USO1: variants seen among roughly 807,000 people sequenced by gnomAD.
USO1 encodes USO1 vesicle transport factor, also known as general vesicular transport factor p115.
A neutral mutation model predicts 124.5 loss-of-function variants in USO1; 57 were observed. The observed-to-expected ratio is 0.46, with a 90% CI of 0.37 to 0.57. The LOEUF (loss-of-function observed/expected upper bound fraction) is 0.57, where lower values mean the gene tolerates loss of function less well. Among genes scored for constraint, USO1 ranks in the 20% least tolerant of loss-of-function variants. The pLI is 0.00. For missense variants in USO1, 900 were observed against 1,040.6 expected (o/e 0.86, Z 1.86); for synonymous variants, 369 against 362.8 (o/e 1.02, Z -0.19).
intron 8 of USO1, among the ~76,000 whole-genome samples, chr4:75,781,840 T>C (rs1000115849): frequency 6.6e-6 from 1 of 152,216 alleles, no homozygotes; most frequent in African/African-American, 2.4e-5. Flanking sequence ...ATGAGCTTAC[T>C]TGTCGTTACG....
intron 20 of USO1, among the ~76,000 whole-genome samples, chr4:75,808,231 A>T (rs1442771578): frequency 6.6e-6 from 1 of 152,152 alleles, no homozygotes; most frequent in African/African-American, 2.4e-5. Context: ...ACATTAATAA[A>T]AACTTTCAAT....
At position 75,744,421 on chromosome 4, in the gene USO1, A is replaced by G. The variant is rs146376994; in HGVS notation, c.67-7952A>G. Reference sequence around the variant, plus strand: ...TTATTCACTGCTGTTTTTTGATTCTATAATAATTATTATTTTGAGACGGAG... The same window carrying G: ...TTATTCACTGCTGTTTTTTGATTCTGTAATAATTATTATTTTGAGACGGAG... On this transcript the variant is annotated intron_variant, in intron 1 of 23. Transcript: ENST00000514213. 4.2e-3 allele frequency among the ~76,000 whole-genome samples: 640 copies of G among 152,154 alleles called. 4 individuals carry two copies. The highest frequency in any genetic ancestry group is 0.015 in the African/African-American group (609 of 41,512).
chr4:75,803,045 C>A (rs1217063290), intron 17 of USO1, among the ~76,000 whole-genome samples: 2 of 143,548 alleles, frequency 1.4e-5, no homozygotes, highest in Non-Finnish European at 3.0e-5. Flanking sequence ...CGAGATCGCA[C>A]CATTGCACTC....
intron 22 of USO1, among the ~76,000 whole-genome samples, chr4:75,811,816 C>T (rs1337774366): frequency 6.6e-6 from 1 of 152,084 alleles, no homozygotes; most frequent in Non-Finnish European, 1.5e-5. Flanking sequence ...AATTCTGGTA[C>T]TAATCAGACT....
intron 1 of USO1, among the ~76,000 whole-genome samples, chr4:75,739,094 C>T (rs1366253131): frequency 2.6e-5 from 4 of 151,984 alleles, no homozygotes; most frequent in African/African-American, 4.8e-5. Context: ...CCTCGTGATC[C>T]GCCCGCCTCG....
At chr4:75,807,695 C>G (rs1723036026) in intron 20 of USO1, among the ~76,000 whole-genome samples, 1 of 152,048 alleles carries the variant, frequency 6.6e-6, no homozygotes, top group Non-Finnish European at 1.5e-5. Context: ...TGTACCTATA[C>G]TAGAACTGTA....
At chr4:75,729,587 C>T (rs904787900) in intron 1 of USO1, among the ~76,000 whole-genome samples, 8 of 151,858 alleles carry the variant, frequency 5.3e-5, no homozygotes, top group Admixed American at 1.3e-4. Flanking sequence ...GCAGTCTGCC[C>T]GCCTCGGCCT....
chr4:75,734,718 CTTTTTTTTTTT>C lies in USO1; in HGVS notation c.66+9851_66+9861del, dbSNP rs55928639. On this transcript the variant is annotated intron_variant, in intron 1 of 23. Transcript: ENST00000514213. ...CTGTAGATTGCTTTGGGCAGTATGGCTTTTTTTTTTTTTTTTTTTTTTTTTTTTGAATTAGA... is the reference window on the plus strand; with the variant it reads ...CTGTAGATTGCTTTGGGCAGTATGGCTTTTTTTTTTTTTTTTTGAATTAGA... Among the ~76,000 whole-genome samples, 97 of 47,466 alleles carry C rather than the reference CTTTTTTTTTTT, an allele frequency of 2.0e-3. 6 individuals are homozygous for C. In the East Asian group the frequency reaches 0.046, roughly 23 times the overall value. 31.1% of individuals were successfully genotyped at this position (47,466 alleles called of 152,430 possible).
Position 75,793,836 on chromosome 4 carries a change from C to G in USO1, c.1387C>G (p.Leu463Val). ...GAAAGAACAGTTGCTCAGGGTTCAA[C>G]TTGCTACAAGTATTGGCAACCCTCC... is the stretch of plus-strand genomic sequence containing the variant. ...TQKEQLLRVQ[L>V]ATSIGNPPVS... The change falls in exon 13 of 24, where the codon CTT becomes GTT. Residue 463 changes from leucine (L) to valine (V), a missense_variant. Around this residue, in one of 2 missense-constraint regions of USO1, gnomAD observed 538 missense variants for 681.6 expected, o/e 0.79. Coordinates refer to ENST00000514213, the MANE Select transcript of USO1 (RefSeq NM_003715.4). 6.2e-7 allele frequency: 1 copy of G among 1,614,026 alleles called. No individual in the cohort carries two copies. Among genetic ancestry groups the G allele is most frequent in the Non-Finnish European group, 8.5e-7 (1 of 1,179,884 alleles).
intron 7 of USO1, among the ~76,000 whole-genome samples, chr4:75,773,089 ACT>A (rs1446443355): frequency 7.9e-5 from 12 of 151,842 alleles, no homozygotes; most frequent in Non-Finnish European, 1.5e-4. Flanking sequence ...CAAGAAAGTA[ACT>A]CTGTCTCAAA....
rs112493601 is a variant in USO1, at chr4:75,800,602, A to G, written c.1683-16A>G. On this transcript the variant is annotated splice_polypyrimidine_tract_variant and intron_variant, in intron 15 of 23. Coordinates refer to ENST00000514213, the MANE Select transcript of USO1 (RefSeq NM_003715.4). ...TTTATTTTTTTTAAAGCATCTCAAT[A>G]TGCTTATCTCCGTAGAGAGAAGCTA... The G allele has an allele frequency of 4.3e-4, 661 of 1,538,940 alleles. 6 individuals carry two copies. In the African/African-American group the frequency reaches 7.5e-3, roughly 17 times the overall value.
intron 4 of USO1, among the ~76,000 whole-genome samples, chr4:75,766,173 T>C (rs1382939991): frequency 1.3e-5 from 2 of 152,188 alleles, no homozygotes; most frequent in Admixed American, 1.3e-4. Context: ...GAGAGAAATA[T>C]AAGGTAAAAT....
At chr4:75,750,436 T>TAAA (rs1399409460) in intron 1 of USO1, among the ~76,000 whole-genome samples, 2 of 150,600 alleles carry the variant, frequency 1.3e-5, no homozygotes, top group African/African-American at 2.4e-5. Context: ...AGACCCCATC[T>TAAA]AAAAAAAAAG....
intron 1 of USO1, among the ~76,000 whole-genome samples, chr4:75,749,184 G>A (rs1037024779): frequency 2.6e-5 from 4 of 151,988 alleles, no homozygotes; most frequent in Non-Finnish European, 5.9e-5. Context: ...TGCACAAACC[G>A]AGTTAATTTC....
intron 3 of USO1, among the ~76,000 whole-genome samples, chr4:75,756,306 G>T (rs893483210): frequency 2.6e-5 from 4 of 152,016 alleles, no homozygotes; most frequent in Non-Finnish European, 5.9e-5. Context: ...AATGTGGGTG[G>T]CCTTTAGAAG....
intron 13 of USO1, among the ~76,000 whole-genome samples, chr4:75,797,791 G>A (rs573545525): frequency 5.9e-5 from 9 of 151,988 alleles, no homozygotes; most frequent in South Asian, 2.1e-4. Context: ...ACAGGCGCGC[G>A]CCACCTCGCC....
chr4:75,809,804 T>C (rs1324802986), intron 21 of USO1, among the ~76,000 whole-genome samples: 1 of 152,200 alleles, frequency 6.6e-6, no homozygotes, highest in Non-Finnish European at 1.5e-5. Flanking sequence ...TCACTTAATG[T>C]CCATATCTCT....
At chr4:75,807,278 A>G in intron 20 of USO1, among the ~76,000 whole-genome samples, 1 of 152,068 alleles carries the variant, frequency 6.6e-6, no homozygotes, top group East Asian at 1.9e-4. Context: ...ATCCCTAAAC[A>G]GGTTCTGGGG....
chr4:75,795,434 GT>G lies in USO1; in HGVS notation c.1452+1542del, dbSNP rs1413628359. Reference sequence around the variant, plus strand: ...TCTCTGTCTTGGGTTTTGCTGATTGGTTTTTTTTTAACTGCTTGTTTGAAGT... The same window carrying G: ...TCTCTGTCTTGGGTTTTGCTGATTGGTTTTTTTTAACTGCTTGTTTGAAGT... On this transcript the variant is annotated intron_variant, in intron 13 of 23. Transcript: ENST00000514213. 1.9e-4 allele frequency: 127 copies of G among 666,364 alleles called. 2 individuals carry two copies. The highest frequency in any genetic ancestry group is 9.9e-4 in the South Asian group (60 of 60,866). 41.3% of individuals were successfully genotyped at this position (666,364 alleles called of 1,614,324 possible). A position where few individuals can be genotyped will look rare whatever the true frequency, so the allele number is the denominator to read the frequency against.
Sources: allele counts gnomAD v4.1 joint callset (sites outside exome capture counted in the v4.1 genomes callset), GRCh38; gene constraint gnomAD v4.1.1; regional missense constraint gnomAD v4.1.1; transcripts MANE v1.5; gene names NCBI Gene and HGNC (gene_info 2026-07-23, HGNC 2026-07-21).